Variants in ZNF730 observed in about 807,000 individuals in gnomAD.
ZNF730 encodes putative zinc finger protein 730.
Under a neutral mutation model 12.6 loss-of-function variants are expected in ZNF730, and 12 were observed. That is an observed-to-expected ratio of 0.95 (90% CI 0.61 to 1.54). The LOEUF (loss-of-function observed/expected upper bound fraction) is 1.54. Ranked by LOEUF, ZNF730 falls within the 40% of genes most tolerant of loss-of-function variation. The pLI, the probability that ZNF730 is intolerant of heterozygous loss-of-function variation, is 0.00. For missense variants in ZNF730, 643 were observed against 583.5 expected, an observed-to-expected ratio of 1.10 and a Z score of -1.05; for synonymous variants, 194 against 195.8, an observed-to-expected ratio of 0.99 and a Z score of 0.08.
At chr19:23,113,782 T>C (rs1970482334), upstream of ZNF730, among the ~76,000 whole-genome samples, 1 of 152,330 alleles carries the variant, frequency 6.6e-6, no homozygotes, top group South Asian at 2.1e-4. Context: ...AGTTCTGCTA[T>C]TTCACAGTGG....
At chr19:23,116,471 A>C (rs968746810), upstream of ZNF730, among the ~76,000 whole-genome samples, 4 of 144,726 alleles carry the variant, frequency 2.8e-5, no homozygotes, top group African/African-American at 1.0e-4. Flanking sequence ...CAGTGGTACG[A>C]TCTCGGCTCA....
chr19:23,141,352 G>A (rs987258311), intron 3 of ZNF730, among the ~76,000 whole-genome samples: 19 of 151,400 alleles, frequency 1.3e-4, no homozygotes, highest in Admixed American at 4.6e-4. Flanking sequence ...GTGAGATCAC[G>A]CCACTGCACT....
Position 23,135,981 on chromosome 19 carries a change from G to A in ZNF730, c.164G>A (p.Cys55Tyr), listed in dbSNP as rs758852113. The change falls in exon 3 of 4, where the codon TGT becomes TAT. Residue 55 changes from cysteine to tyrosine, a missense_variant. Cys to Tyr is a radical substitution (Grantham distance 194). Transcript: ENST00000597761. ...IAVSKPDLIT[C>Y]LEQEKEPWNL... The stretch of plus-strand genomic sequence containing the variant: ...GTCTCAAAGCCAGACCTGATCACCT[G>A]TCTGGAGCAAGAAAAAGAGCCTTGG... 1 of 1,609,294 alleles carries A rather than the reference G, an allele frequency of 6.2e-7. No individual in the cohort carries two copies. Among genetic ancestry groups the A allele is most frequent in the Non-Finnish European group, 8.5e-7 (1 of 1,177,846 alleles).
At chr19:23,117,528 T>A (rs1220695353) in intron 1 of ZNF730, among the ~76,000 whole-genome samples, 1 of 152,194 alleles carries the variant, frequency 6.6e-6, no homozygotes. Context: ...GGAAGAGCTT[T>A]GGTCTGTGGC....
At position 23,109,789 on chromosome 19, in the gene ZNF730, C is replaced by T. The variant is rs186542445; in HGVS notation, c.-93-24291C>T. 5.2e-4 allele frequency among the ~76,000 whole-genome samples: 79 copies of T among 152,054 alleles called. 1 individual carries two copies. The highest frequency in any genetic ancestry group is 1.9e-3 in the African/African-American group (78 of 41,462). On this transcript the variant is annotated intron_variant, in intron 1 of 2. Coordinates refer to the ZNF730 transcript ENST00000593635. ...GTCTTGATATTTTGACCTTGTGATCCACCCGCCTTGGCCTCCCAAAGTGCT... is the reference window on the plus strand; with the variant it reads ...GTCTTGATATTTTGACCTTGTGATCTACCCGCCTTGGCCTCCCAAAGTGCT...
At chr19:23,096,909 A>T (rs1970260800) in intron 1 of ZNF730, among the ~76,000 whole-genome samples, 1 of 152,192 alleles carries the variant, frequency 6.6e-6, no homozygotes, top group African/African-American at 2.4e-5. Flanking sequence ...ACTTTATGGC[A>T]TGGGAACTGT....
chr19:23,094,408 ATCTG>A, intron 1 of ZNF730, among the ~76,000 whole-genome samples: 1 of 148,958 alleles, frequency 6.7e-6, no homozygotes, highest in East Asian at 2.0e-4. Flanking sequence ...CTGTCTATCT[ATCTG>A]TGGGCACTCT....
chr19:23,087,316 G>C (rs904458052), intron 1 of ZNF730, among the ~76,000 whole-genome samples: 8 of 152,112 alleles, frequency 5.3e-5, no homozygotes, highest in Admixed American at 4.6e-4. Context: ...GCTGAAGCAG[G>C]AGAATTGCTT....
intron 1 of ZNF730, among the ~76,000 whole-genome samples, chr19:23,082,683 T>G (rs927411626): frequency 6.6e-6 from 1 of 152,098 alleles, no homozygotes; most frequent in South Asian, 2.1e-4. Flanking sequence ...TTGTATTGTG[T>G]ATGTATACCA....
intron 3 of ZNF730, among the ~76,000 whole-genome samples, chr19:23,138,876 G>A (rs1426894893): frequency 1.3e-5 from 2 of 151,924 alleles, no homozygotes; most frequent in African/African-American, 4.8e-5. Context: ...CTCTCATAAA[G>A]GCATTTTTTT....
intron 1 of ZNF730, among the ~76,000 whole-genome samples, chr19:23,102,207 T>G (rs768665513): frequency 3.9e-5 from 6 of 152,186 alleles, no homozygotes; most frequent in Non-Finnish European, 7.3e-5. Flanking sequence ...TAACTGGGCC[T>G]TGACCACAGA....
At chr19:23,129,818 C>T (rs1345533655) in intron 1 of ZNF730, among the ~76,000 whole-genome samples, 2 of 151,644 alleles carry the variant, frequency 1.3e-5, no homozygotes, top group Non-Finnish European at 2.9e-5. Context: ...ACAGTGAAAC[C>T]CCATCTCTAC....
intron 3 of ZNF730, among the ~76,000 whole-genome samples, 180 bp from the exon 4 acceptor site, chr19:23,145,091 C>G (rs760564031): frequency 6.6e-6 from 1 of 151,688 alleles, no homozygotes; most frequent in Non-Finnish European, 1.5e-5. Context: ...ACACACTCAA[C>G]TTACTTTTTT....
At chr19:23,084,805 T>C (rs1970030368) in intron 1 of ZNF730, among the ~76,000 whole-genome samples, 1 of 152,238 alleles carries the variant, frequency 6.6e-6, no homozygotes, top group African/African-American at 2.4e-5. Context: ...TTCTTTTTTA[T>C]GGCTGCATAG....
At chr19:23,134,003 T>G (rs898544408) in intron 1 of ZNF730, 77 bp from the exon 2 acceptor site, 31 of 1,573,180 alleles carry the variant, frequency 2.0e-5, no homozygotes, top group Non-Finnish European at 2.6e-5. Context: ...ATATTTACTC[T>G]TATTTCACCT....
chr19:23,129,582 C>CCCA (rs1255770146), intron 1 of ZNF730, among the ~76,000 whole-genome samples: 8 of 150,284 alleles, frequency 5.3e-5, no homozygotes, highest in African/African-American at 1.7e-4. Flanking sequence ...TCCCCCCCCC[C>CCCA]ATTATATCAG....
At chr19:23,092,423 C>G (rs947319229) in intron 1 of ZNF730, among the ~76,000 whole-genome samples, 1 of 151,248 alleles carries the variant, frequency 6.6e-6, no homozygotes, top group African/African-American at 2.4e-5. Context: ...GGAGAAGCCC[C>G]ATCTCTCTTA....
chr19:23,116,935 AAACGTTATCCAATCGGGGACACTGGG>A, upstream of ZNF730: 6 of 101,654 alleles, frequency 5.9e-5, no homozygotes, highest in South Asian at 4.8e-4. Context: ...GCGGGGCCTT[AAACGTTATCCAATCGGGGACACTGGG>A]CGGGGGGCCG....
At chr19:23,121,464 C>T (rs1395783402) in intron 1 of ZNF730, among the ~76,000 whole-genome samples, 1 of 152,052 alleles carries the variant, frequency 6.6e-6, no homozygotes, top group African/African-American at 2.4e-5. Context: ...GCTTCAGCCT[C>T]CTGAGTAGCT....
Sources: gnomAD v4.1 joint callset for allele counts (sites outside exome capture counted in the v4.1 genomes callset) on GRCh38, gnomAD v4.1.1 for gene constraint, MANE v1.5 for transcripts, NCBI Gene and HGNC (gene_info 2026-07-23, HGNC 2026-07-21) for gene names.